PDE10A: variants seen among roughly 807,000 people sequenced by gnomAD.
PDE10A encodes cAMP and cAMP-inhibited cGMP 3',5'-cyclic phosphodiesterase 10A.
A neutral mutation model predicts 97.7 loss-of-function variants in PDE10A; 39 were observed. The observed-to-expected ratio is 0.40, with a 90% CI of 0.31 to 0.52. The LOEUF (loss-of-function observed/expected upper bound fraction) is 0.52, where lower values mean the gene tolerates loss of function less well. Among genes scored for constraint, PDE10A ranks in the 20% least tolerant of loss-of-function variants. The pLI is 0.56. For synonymous variants in PDE10A, 371 were observed against 376.8 expected (o/e 0.98, Z 0.18); for missense variants, 731 against 1,047.8 (o/e 0.70, Z 4.17).
intron 1 of PDE10A, among the ~76,000 whole-genome samples, chr6:165,867,257 A>G (rs1194708553): frequency 6.6e-6 from 1 of 151,428 alleles, no homozygotes; most frequent in East Asian, 1.9e-4. Context: ...ATGAGACCCA[A>G]GTATAATTTT....
chr6:165,798,887 T>C (rs930199876), intron 1 of PDE10A, among the ~76,000 whole-genome samples: 7 of 152,150 alleles, frequency 4.6e-5, no homozygotes, highest in Non-Finnish European at 8.8e-5. Context: ...TTGGTGTTTT[T>C]TGTAGAAATG....
At chr6:165,386,466 A>G (rs759475676) in intron 17 of PDE10A, among the ~76,000 whole-genome samples, 3 of 152,212 alleles carry the variant, frequency 2.0e-5, no homozygotes, top group Non-Finnish European at 4.4e-5. Flanking sequence ...GAATTCATTT[A>G]GGGCATGGGA....
chr6:165,879,687 T>G (rs921982326), intron 1 of PDE10A, among the ~76,000 whole-genome samples: 10 of 152,234 alleles, frequency 6.6e-5, no homozygotes, highest in Admixed American at 3.3e-4. Context: ...GTACTTTAAA[T>G]TGTCTCGAGA....
chr6:165,609,455 G>A (rs1746238774), intron 1 of PDE10A, among the ~76,000 whole-genome samples: 1 of 152,304 alleles, frequency 6.6e-6, no homozygotes, highest in Non-Finnish European at 1.5e-5. Flanking sequence ...CACAAGACAG[G>A]GATGCCCTCT....
intron 1 of PDE10A, among the ~76,000 whole-genome samples, chr6:165,906,166 T>C (rs1782281116): frequency 6.8e-6 from 1 of 147,182 alleles, no homozygotes; most frequent in African/African-American, 2.5e-5. Context: ...GCCAGTGATC[T>C]TGGAATAGTA....
chr6:165,962,807 A>T (rs758051380), intron 1 of PDE10A, among the ~76,000 whole-genome samples: 8 of 152,094 alleles, frequency 5.3e-5, no homozygotes, highest in Non-Finnish European at 1.2e-4. Context: ...GACCATGATC[A>T]CTCTCCTTGG....
intron 1 of PDE10A, among the ~76,000 whole-genome samples, chr6:165,552,716 C>A (rs188190258): frequency 6.6e-6 from 1 of 152,144 alleles, no homozygotes; most frequent in Non-Finnish European, 1.5e-5. Context: ...TTGTATCCTT[C>A]GGCTCTCATC....
intron 1 of PDE10A, among the ~76,000 whole-genome samples, chr6:165,691,240 CAG>C (rs1212149596): frequency 6.8e-6 from 1 of 147,860 alleles, no homozygotes; most frequent in Admixed American, 6.8e-5. Context: ...CACACACACA[CAG>C]AGTCAGGCAT....
At chr6:165,372,358 C>A (rs1562393560) in intron 18 of PDE10A, among the ~76,000 whole-genome samples, 1 of 149,648 alleles carries the variant, frequency 6.7e-6, no homozygotes, top group South Asian at 2.1e-4. Context: ...TCTCCTTAAG[C>A]TGATAAGCAA....
At chr6:165,773,253 C>T (rs1028198598) in intron 1 of PDE10A, 1 of 152,148 alleles carries the variant, frequency 6.6e-6, no homozygotes, top group African/African-American at 2.4e-5. Context: ...ATTATGAGTC[C>T]TCTTAGATGT....
Position 165,943,260 on chromosome 6 carries a change from AAGGAAGGAAGGAAG to A in PDE10A, c.-615+44255_-615+44268del, listed in dbSNP as rs1488374474. ...GAAGGAAGGAAGGAAGGAAGGAAGG[AAGGAAGGAAGGAAG>A]GAAAGAAAGAAAGAAAGAAGGAAAG... On this transcript the variant is annotated intron_variant, in intron 1 of 19. Transcript: ENST00000366882. 8.5e-4 allele frequency among the ~76,000 whole-genome samples: 110 copies of A among 128,898 alleles called. 1 individual carries two copies. The highest frequency in any genetic ancestry group is 3.6e-3 in the Middle Eastern group (1 of 280). The allele number at this position is 128,898 out of a possible 152,430, so 84.6% of individuals were successfully genotyped here.
chr6:165,349,734 T>C (rs1782572621), intron 18 of PDE10A, among the ~76,000 whole-genome samples: 1 of 152,172 alleles, frequency 6.6e-6, no homozygotes, highest in Non-Finnish European at 1.5e-5. Context: ...CCCTGCTCTA[T>C]GCAGCCTTGG....
chr6:165,457,249 T>C (rs912686264), intron 3 of PDE10A, among the ~76,000 whole-genome samples: 2 of 152,188 alleles, frequency 1.3e-5, no homozygotes, highest in Non-Finnish European at 2.9e-5. Context: ...CTTCATAAAG[T>C]CCCTTCATGA....
intron 2 of PDE10A, among the ~76,000 whole-genome samples, chr6:165,534,574 G>A (rs1782966104): frequency 6.6e-6 from 1 of 151,910 alleles, no homozygotes; most frequent in Non-Finnish European, 1.5e-5. Flanking sequence ...ACTAAATTCT[G>A]TAATACATTA....
chr6:165,653,857 G>A (rs894128358), intron 1 of PDE10A, among the ~76,000 whole-genome samples: 33 of 152,024 alleles, frequency 2.2e-4, no homozygotes, highest in African/African-American at 5.6e-4. Flanking sequence ...CTGATCCACC[G>A]TGCCAGCTTT....
intron 1 of PDE10A, among the ~76,000 whole-genome samples, chr6:165,917,652 A>G (rs537758692): frequency 6.6e-6 from 1 of 152,328 alleles, no homozygotes; most frequent in Admixed American, 6.5e-5. Context: ...AAAAGAAGAA[A>G]AAAAAAGGCA....
intron 1 of PDE10A, among the ~76,000 whole-genome samples, chr6:165,623,052 C>T (rs543097804): frequency 6.6e-6 from 1 of 152,326 alleles, no homozygotes; most frequent in Non-Finnish European, 1.5e-5. Flanking sequence ...CACCCAGAAG[C>T]TGAGCAGATG....
chr6:165,474,079 T>A (rs1779162598), intron 3 of PDE10A, among the ~76,000 whole-genome samples: 1 of 152,238 alleles, frequency 6.6e-6, no homozygotes, highest in Non-Finnish European at 1.5e-5. Flanking sequence ...CAGGATACAG[T>A]TGATTATGTT....
intron 1 of PDE10A, among the ~76,000 whole-genome samples, chr6:165,619,515 T>C (rs867971257): frequency 3.6e-5 from 5 of 138,294 alleles, no homozygotes; most frequent in East Asian, 2.0e-4. Context: ...TAGTGTAGTC[T>C]AGTGTAGTGT....
Sources: allele counts gnomAD v4.1 joint callset (sites outside exome capture counted in the v4.1 genomes callset), GRCh38; gene constraint gnomAD v4.1.1; transcripts MANE v1.5; gene names NCBI Gene and HGNC (gene_info 2026-07-23, HGNC 2026-07-21).